The following SEM1 variants were observed in gnomAD, a reference collection of about 807,000 sequenced individuals.
The protein encoded by SEM1 is 26S proteasome complex subunit SEM1.
In SEM1, 3 loss-of-function variants were observed where a neutral mutation model predicts 12.7. The observed-to-expected ratio is 0.24, with a 90% CI of 0.11 to 0.61. SEM1 has a LOEUF of 0.61. Among genes scored for constraint, SEM1 ranks in the 20% least tolerant of loss-of-function variants. The pLI, the probability that SEM1 is intolerant of heterozygous loss-of-function variation, is 0.88. For missense variants in SEM1, 59 were observed against 81.3 expected (o/e 0.73, Z 1.06); for synonymous variants, 30 against 27.8 (o/e 1.08, Z -0.25).
intron 2 of SEM1, among the ~76,000 whole-genome samples, chr7:96,516,747 T>C (rs563618949): frequency 6.6e-6 from 1 of 152,110 alleles, no homozygotes; most frequent in Non-Finnish European, 1.5e-5. Context: ...TCTAAAGGAG[T>C]TGAAAACTTA....
chr7:96,631,689 C>A (rs887572817), intron 2 of SEM1, among the ~76,000 whole-genome samples: 2 of 152,068 alleles, frequency 1.3e-5, no homozygotes, highest in African/African-American at 4.8e-5. Flanking sequence ...GCAACAAAAG[C>A]CAAAATTGAC....
downstream of SEM1, among the ~76,000 whole-genome samples, chr7:96,668,567 A>C (rs1378116858): frequency 6.6e-6 from 1 of 152,216 alleles, no homozygotes; most frequent in African/African-American, 2.4e-5. Flanking sequence ...ATAACAGATT[A>C]ATTCACTTTG....
At chr7:96,551,277 A>T (rs1805261473) in intron 2 of SEM1, among the ~76,000 whole-genome samples, 1 of 152,188 alleles carries the variant, frequency 6.6e-6, no homozygotes, top group African/African-American at 2.4e-5. Flanking sequence ...CCCTAAAGAT[A>T]TGTTCACCCG....
intron 2 of SEM1, among the ~76,000 whole-genome samples, chr7:96,515,676 C>A (rs985378770): frequency 4.6e-5 from 7 of 152,168 alleles, no homozygotes; most frequent in Non-Finnish European, 8.8e-5. Context: ...CACATATACA[C>A]CATGGAATAC....
At chr7:96,681,978 T>C (rs1789626251) in intron 2 of SEM1, among the ~76,000 whole-genome samples, 1 of 152,168 alleles carries the variant, frequency 6.6e-6, no homozygotes, top group Non-Finnish European at 1.5e-5. Flanking sequence ...CTTTGGGCAG[T>C]ATGGCCATTT....
intron 2 of SEM1, among the ~76,000 whole-genome samples, chr7:96,679,201 A>T (rs990071084): frequency 5.9e-4 from 90 of 152,226 alleles, no homozygotes; most frequent in African/African-American, 2.0e-3. Context: ...ACACATTGTC[A>T]TCTCTGTGGC....
intron 2 of SEM1, among the ~76,000 whole-genome samples, chr7:96,638,665 T>C (rs1255007757): frequency 6.6e-6 from 1 of 151,962 alleles, no homozygotes; most frequent in Non-Finnish European, 1.5e-5. Context: ...TATTTCCCCA[T>C]AGTAATAAAT....
intron 1 of SEM1, among the ~76,000 whole-genome samples, chr7:96,697,973 A>T (rs1282726900): frequency 6.6e-6 from 1 of 152,186 alleles, no homozygotes; most frequent in African/African-American, 2.4e-5. Flanking sequence ...GTAGCACGGC[A>T]CCACTTTGCT....
At chr7:96,514,023 T>C (rs1804012088) in intron 2 of SEM1, among the ~76,000 whole-genome samples, 1 of 152,102 alleles carries the variant, frequency 6.6e-6, no homozygotes, top group South Asian at 2.1e-4. Flanking sequence ...TTTTATTTTA[T>C]AGATTTATCA....
intron 2 of SEM1, among the ~76,000 whole-genome samples, chr7:96,658,698 C>T (rs958671837): frequency 4.6e-5 from 7 of 152,144 alleles, no homozygotes; most frequent in African/African-American, 9.7e-5. Flanking sequence ...TAATGCACAA[C>T]GTGAAGACTT....
At chr7:96,694,284 A>C (rs1323027107) in intron 2 of SEM1, among the ~76,000 whole-genome samples, 1 of 152,000 alleles carries the variant, frequency 6.6e-6, no homozygotes, top group African/African-American at 2.4e-5. Context: ...TGGTTGCACA[A>C]TATTGAGGAT....
At chr7:96,560,327 G>A (rs1369842856) in intron 2 of SEM1, among the ~76,000 whole-genome samples, 3 of 152,042 alleles carry the variant, frequency 2.0e-5, no homozygotes, top group Admixed American at 6.6e-5. Context: ...TTTATTATAC[G>A]TGTTTGACAA....
At chr7:96,599,515 A>G (rs1370756106) in intron 2 of SEM1, among the ~76,000 whole-genome samples, 1 of 152,214 alleles carries the variant, frequency 6.6e-6, no homozygotes, top group East Asian at 1.9e-4. Context: ...TGAGACTGGT[A>G]TCAGGTTGTA....
chr7:96,483,654 A>G (rs1802633466), exon 4 of SEM1: 4 of 592,484 alleles, frequency 6.8e-6, no homozygotes, highest in Non-Finnish European at 1.2e-5. Flanking sequence ...GCACTAGAAT[A>G]TGTATTAACA....
chr7:96,556,091 C>T (rs988970002), intron 2 of SEM1, among the ~76,000 whole-genome samples: 239 of 152,140 alleles, frequency 1.6e-3, no homozygotes, highest in Non-Finnish European at 2.7e-3. Context: ...TGTCGCTGCA[C>T]GTGAGATGGG....
chr7:96,708,857 A>G (rs1161571177), intron 1 of SEM1, among the ~76,000 whole-genome samples: 2 of 152,216 alleles, frequency 1.3e-5, no homozygotes, highest in Admixed American at 1.3e-4. Context: ...GCACTTAGAC[A>G]AGTTCCTGAA....
intron 2 of SEM1, among the ~76,000 whole-genome samples, chr7:96,642,397 A>G (rs1808643104): frequency 6.6e-6 from 1 of 152,068 alleles, no homozygotes; most frequent in African/African-American, 2.4e-5. Flanking sequence ...AGCTCAGGAA[A>G]ACTTACTTCA....
At chr7:96,547,540 A>G (rs1054494626) in intron 2 of SEM1, among the ~76,000 whole-genome samples, 8 of 152,200 alleles carry the variant, frequency 5.3e-5, no homozygotes, top group East Asian at 1.9e-4. Context: ...ACAGTGTCCA[A>G]TGACAATGTG....
chr7:96,642,749 T>G (rs1343479552), intron 2 of SEM1, among the ~76,000 whole-genome samples: 2 of 151,966 alleles, frequency 1.3e-5, no homozygotes, highest in African/African-American at 4.8e-5. Context: ...AGAAGCCATT[T>G]TTTTTTCATT....
Sources: allele counts gnomAD v4.1 joint callset (sites outside exome capture counted in the v4.1 genomes callset), GRCh38; gene constraint gnomAD v4.1.1; transcripts MANE v1.5; gene names NCBI Gene and HGNC (gene_info 2026-07-23, HGNC 2026-07-21).